RRAGB: variants seen among roughly 807,000 people sequenced by gnomAD.
RRAGB encodes the protein Ras related GTP binding B, also known as ras-related GTP-binding protein B.
Under a neutral mutation model 29.3 loss-of-function variants are expected in RRAGB, and 6 were observed. The ratio of observed to expected loss-of-function variants is 0.21; its 90% CI spans 0.11 to 0.40. The LOEUF (loss-of-function observed/expected upper bound fraction) is 0.40. RRAGB is among the 10% of genes least tolerant of loss of function. RRAGB has a pLI of 1.00. For synonymous variants in RRAGB, 101 were observed against 92.5 expected (o/e 1.09, Z -0.53); for missense variants, 184 against 272.9 (o/e 0.67, Z 2.29).
intron 5 of RRAGB, among the ~76,000 whole-genome samples, chrX:55,748,621 C>A (rs1332641332): frequency 1.8e-5 from 2 of 108,986 alleles, no homozygotes; most frequent in Non-Finnish European, 3.8e-5. Flanking sequence ...GTGAGGAGAC[C>A]CTCCGCCTGG....
intron 1 of RRAGB, among the ~76,000 whole-genome samples, chrX:55,718,930 T>C (rs2033159068): frequency 8.9e-6 from 1 of 111,981 alleles, no homozygotes. Flanking sequence ...ATAGAAGATA[T>C]TCAATACTCA....
intron 1 of RRAGB, 58 bp downstream of exon 1, chrX:55,718,477 T>C (rs1318170134): frequency 1.3e-6 from 1 of 770,904 alleles, no homozygotes; most frequent in African/African-American, 2.1e-5. Context: ...GAAGAGAGTA[T>C]TGTGAATTAG....
intron 3 of RRAGB, among the ~76,000 whole-genome samples, chrX:55,724,046 C>T (rs1338623211): frequency 1.8e-5 from 2 of 112,328 alleles, no homozygotes; most frequent in African/African-American, 3.2e-5. Flanking sequence ...ATCTCTTATT[C>T]AGGACATTAC....
At chrX:55,747,972 A>G (rs965695389) in intron 5 of RRAGB, among the ~76,000 whole-genome samples, 3 of 111,579 alleles carry the variant, frequency 2.7e-5, no homozygotes, top group African/African-American at 9.7e-5. Flanking sequence ...TCCCTGCCTG[A>G]TTCTCCTGCC....
intron 5 of RRAGB, among the ~76,000 whole-genome samples, chrX:55,748,666 G>A (rs756623465): frequency 2.8e-5 from 3 of 106,880 alleles, no homozygotes; most frequent in Admixed American, 9.6e-5. Context: ...GAGCCCCTCC[G>A]CCCAGCCAGC....
intron 5 of RRAGB, among the ~76,000 whole-genome samples, chrX:55,745,472 A>G (rs2034214290): frequency 8.9e-6 from 1 of 112,447 alleles, no homozygotes; most frequent in Admixed American, 9.3e-5. Context: ...AAGCAATGAA[A>G]CCACATTTGG....
At chrX:55,731,281 T>G in intron 4 of RRAGB, 83 bp from the exon 5 acceptor site, 1 of 705,649 alleles carries the variant, frequency 1.4e-6, no homozygotes, top group Non-Finnish European at 2.1e-6. Context: ...ATCTTTCACA[T>G]TGATCAAGCC....
chrX:55,754,203 T>C (rs1198172906), intron 7 of RRAGB, among the ~76,000 whole-genome samples: 1 of 112,931 alleles, frequency 8.9e-6, no homozygotes, highest in Admixed American at 9.3e-5. Context: ...TGAAAACTTT[T>C]AATGTAGAAG....
chrX:55,733,927 TG>T (rs1293286485), intron 5 of RRAGB, among the ~76,000 whole-genome samples: 3 of 66,885 alleles, frequency 4.5e-5, no homozygotes, highest in Non-Finnish European at 1.3e-4. Context: ...TATCTGGTCC[TG>T]GGGTTTTTTT....
chrX:55,754,669 A>G (rs1377670015), intron 7 of RRAGB, among the ~76,000 whole-genome samples: 1 of 112,577 alleles, frequency 8.9e-6, no homozygotes, highest in Non-Finnish European at 1.9e-5. Flanking sequence ...ACTATTAAAT[A>G]TTGATTCCTT....
intron 3 of RRAGB, among the ~76,000 whole-genome samples, chrX:55,724,698 G>A (rs1278804832): frequency 9.0e-6 from 1 of 111,576 alleles, no homozygotes; most frequent in Non-Finnish European, 1.9e-5. Context: ...CAGTAGATTA[G>A]AGGAAGCTAA....
intron 9 of RRAGB, among the ~76,000 whole-genome samples, chrX:55,757,543 A>C (rs2034688414): frequency 8.9e-6 from 1 of 112,364 alleles, no homozygotes; most frequent in Admixed American, 9.4e-5. Flanking sequence ...AATAAGAAAA[A>C]GTATTTTAGT....
intron 5 of RRAGB, among the ~76,000 whole-genome samples, chrX:55,735,905 T>A (rs1394034511): frequency 8.9e-6 from 1 of 112,360 alleles, no homozygotes; most frequent in Non-Finnish European, 1.9e-5. Context: ...TGGCTGACAG[T>A]TATTCCGTTT....
intron 5 of RRAGB, among the ~76,000 whole-genome samples, chrX:55,740,399 AT>A (rs2034023093): frequency 8.9e-6 from 1 of 112,173 alleles, no homozygotes; most frequent in African/African-American, 3.2e-5. Flanking sequence ...ATCTTTTGGA[AT>A]GAAAATAGGA....
chrX:55,741,736 C>T (rs2034081510), intron 5 of RRAGB, among the ~76,000 whole-genome samples: 1 of 111,653 alleles, frequency 9.0e-6, no homozygotes, highest in South Asian at 3.7e-4. Flanking sequence ...ATAAGACTCA[C>T]TTATATTATA....
intron 5 of RRAGB, 182 bp downstream of exon 5, chrX:55,731,768 G>T (rs1166235434): frequency 7.7e-6 from 3 of 388,734 alleles, no homozygotes; most frequent in African/African-American, 2.5e-5. Context: ...ATAAGGGAAA[G>T]ATTTATTAGT....
intron 5 of RRAGB, among the ~76,000 whole-genome samples, chrX:55,748,025 A>G (rs1314802563): frequency 8.9e-6 from 1 of 111,902 alleles, no homozygotes; most frequent in African/African-American, 3.2e-5. Context: ...GCGCCGCCAC[A>G]CCTGACTGGT....
intron 8 of RRAGB, 88 bp downstream of exon 8, chrX:55,756,020 C>A: frequency 1.6e-6 from 1 of 607,545 alleles, no homozygotes; most frequent in Non-Finnish European, 2.6e-6. Context: ...GTTAACTGTA[C>A]TTCTATATTC....
chrX:55,737,888 C>T, intron 5 of RRAGB, among the ~76,000 whole-genome samples: 1 of 112,784 alleles, frequency 8.9e-6, no homozygotes, highest in East Asian at 2.8e-4. Context: ...ACTGCTATAG[C>T]TCAGGTCCAG....
Sources: allele counts gnomAD v4.1 joint callset (sites outside exome capture counted in the v4.1 genomes callset), GRCh38; gene constraint gnomAD v4.1.1; transcripts MANE v1.5; gene names NCBI Gene and HGNC (gene_info 2026-07-23, HGNC 2026-07-21).